GADL1: variants seen among roughly 807,000 people sequenced by gnomAD.
GADL1 encodes acidic amino acid decarboxylase GADL1.
In GADL1, 71 loss-of-function variants were observed where a neutral mutation model predicts 69.5. The ratio of observed to expected loss-of-function variants is 1.02; its 90% CI spans 0.84 to 1.25. The LOEUF (loss-of-function observed/expected upper bound fraction) is 1.25, where lower values mean the gene tolerates loss of function less well. Ranked by LOEUF, GADL1 falls within the 50% of genes most tolerant of loss-of-function variation. The probability of loss-of-function intolerance (pLI) is 0.00; values close to 1 mark genes in which losing one functional copy is unlikely to be tolerated. For synonymous variants in GADL1, 254 were observed against 214.4 expected (o/e 1.18, Z -1.62); for missense variants, 737 against 631.8 (o/e 1.17, Z -1.79).
chr3:30,762,588 A>C (rs1191448938), intron 14 of GADL1, among the ~76,000 whole-genome samples: 1 of 152,180 alleles, frequency 6.6e-6, no homozygotes, highest in Non-Finnish European at 1.5e-5. Context: ...TGAGGTATAC[A>C]TTCCCTCAAG....
In GADL1 at chr3:30,727,776, T is replaced by C. The variant is rs1695391586; in HGVS notation, c.*466A>G. 6.6e-6 allele frequency: 1 copy of C among 152,490 alleles called. No individual in the cohort carries two copies. The highest frequency in any genetic ancestry group is 1.5e-5 in the Non-Finnish European group (1 of 68,248). 9.4% of individuals were successfully genotyped at this position (152,490 alleles called of 1,614,324 possible). A position where few individuals can be genotyped will look rare whatever the true frequency, so the allele number is the denominator to read the frequency against. ...ACGGGCTTGTTAAAACACAGAATACTGGGCCTCACCCCCAGAGCTTCTGAT... is the reference window on the plus strand; with the variant it reads ...ACGGGCTTGTTAAAACACAGAATACCGGGCCTCACCCCCAGAGCTTCTGAT... On this transcript the variant is annotated 3_prime_UTR_variant, in exon 15 of 15. Coordinates refer to ENST00000282538, the MANE Select transcript of GADL1 (RefSeq NM_207359.3).
chr3:30,819,258 C>G (rs568549713), intron 11 of GADL1, among the ~76,000 whole-genome samples: 2 of 152,082 alleles, frequency 1.3e-5, no homozygotes, highest in Admixed American at 1.3e-4. Context: ...CCCTCCCCAA[C>G]TCTGAGGCCT....
chr3:30,891,658 A>T (rs984475243), intron 1 of GADL1, among the ~76,000 whole-genome samples: 19 of 152,142 alleles, frequency 1.2e-4, no homozygotes, highest in African/African-American at 3.9e-4. Context: ...AAATAAAAAA[A>T]AAAATAAAAA....
intron 14 of GADL1, among the ~76,000 whole-genome samples, chr3:30,743,737 T>A (rs1328307937): frequency 1.3e-5 from 2 of 152,172 alleles, no homozygotes; most frequent in African/African-American, 4.8e-5. Context: ...TAAAAATAAA[T>A]TTTATTATTG....
chr3:30,755,155 G>A (rs1043319675), intron 14 of GADL1, among the ~76,000 whole-genome samples: 1 of 152,098 alleles, frequency 6.6e-6, no homozygotes, highest in Non-Finnish European at 1.5e-5. Context: ...TCATACAGAT[G>A]ACCTCCCACC....
chr3:30,754,159 G>T (rs905308305), intron 14 of GADL1, among the ~76,000 whole-genome samples: 1 of 152,192 alleles, frequency 6.6e-6, no homozygotes, highest in South Asian at 2.1e-4. Flanking sequence ...AATAGACAAG[G>T]TTGTGGATTG....
chr3:30,873,402 T>G (rs994759051), intron 1 of GADL1, among the ~76,000 whole-genome samples: 1 of 151,952 alleles, frequency 6.6e-6, no homozygotes, highest in Non-Finnish European at 1.5e-5. Context: ...CCAAGTCATA[T>G]AGCTAGTAAG....
At chr3:30,803,490 C>T (rs926321745) in intron 11 of GADL1, among the ~76,000 whole-genome samples, 2 of 152,024 alleles carry the variant, frequency 1.3e-5, no homozygotes, top group Non-Finnish European at 2.9e-5. Flanking sequence ...TTGGACATTT[C>T]TTGAGCAAGT....
chr3:30,789,774 C>A (rs113717093), intron 12 of GADL1, among the ~76,000 whole-genome samples: 2 of 152,140 alleles, frequency 1.3e-5, no homozygotes, highest in Non-Finnish European at 2.9e-5. Flanking sequence ...ATGAACCAAC[C>A]TCTGCTAGCT....
chr3:30,787,573 T>A (rs1696824195), intron 12 of GADL1, among the ~76,000 whole-genome samples: 1 of 152,184 alleles, frequency 6.6e-6, no homozygotes, highest in Non-Finnish European at 1.5e-5. Flanking sequence ...GAGCATTTAT[T>A]GTGATTTTTA....
At chr3:30,879,448 T>G (rs1294310662) in intron 1 of GADL1, among the ~76,000 whole-genome samples, 4 of 151,980 alleles carry the variant, frequency 2.6e-5, no homozygotes, top group South Asian at 2.1e-4. Context: ...CAATACAGGC[T>G]CTCCCTCTCT....
chr3:30,871,946 T>A (rs114536482), intron 1 of GADL1, among the ~76,000 whole-genome samples: 5 of 152,128 alleles, frequency 3.3e-5, no homozygotes, highest in Non-Finnish European at 7.4e-5. Flanking sequence ...AGGAATTAGA[T>A]AACCTAATCT....
rs576228693 is a variant in GADL1 at position 30,834,409 on chromosome 3, A to G, written c.904-128T>C. ...TTTGATATTTTATGTCATGTTAACT[A>G]ATTTGTACCCCAGGAAATTCTGATC... On this transcript the variant is annotated intron_variant, in intron 9 of 14. Transcript: ENST00000282538. 2.0e-4 allele frequency: 151 copies of G among 737,804 alleles called. 1 individual carries two copies. The African/African-American group carries it at 2.4e-3, about 12-fold the overall frequency. The allele number at this position is 737,804 out of a possible 1,614,324, so 45.7% of individuals were successfully genotyped here.
rs559281776 is a variant in GADL1, at chr3:30,819,669, A to C, written c.1050+14184T>G. ...GGAGAAAATGAATATTAATTACATA[A>C]ATTTAATAAGGACATGAAAAATAAA... is the stretch of plus-strand genomic sequence containing the variant. On this transcript the variant is annotated intron_variant, in intron 11 of 14. Coordinates refer to ENST00000282538, the MANE Select transcript of GADL1 (RefSeq NM_207359.3). 9.2e-5 allele frequency among the ~76,000 whole-genome samples: 14 copies of C among 152,278 alleles called. No homozygotes were observed. The South Asian group carries it at 2.1e-3, about 23-fold the overall frequency.
intron 1 of GADL1, among the ~76,000 whole-genome samples, chr3:30,880,206 C>T (rs1048721681): frequency 7.9e-5 from 12 of 151,836 alleles, no homozygotes; most frequent in South Asian, 4.1e-4. Context: ...TTTTAAAATA[C>T]AGTAAATATT....
intron 12 of GADL1, among the ~76,000 whole-genome samples, chr3:30,786,788 T>C (rs36099909): frequency 0.23 from 34,778 of 152,158 alleles, 4,717 homozygotes; most frequent in Non-Finnish European, 0.3. Context: ...GTTTTTTGTT[T>C]TGTTTTGTTT....
chr3:30,769,913 G>A lies in GADL1; in HGVS notation c.1392+8266C>T, dbSNP rs1278305100. Among the ~76,000 whole-genome samples, 4 of 46,878 alleles carry A rather than the reference G, an allele frequency of 8.5e-5. No individual in the cohort carries two copies. The East Asian group carries it at 2.8e-3, about 32-fold the overall frequency. 30.8% of individuals were successfully genotyped at this position (46,878 alleles called of 152,430 possible). On this transcript the variant is annotated intron_variant, in intron 14 of 14. Coordinates refer to ENST00000282538, the MANE Select transcript of GADL1 (RefSeq NM_207359.3). ...TCAAGGAGCTTCCAGTGACACACAG[G>A]TAATCAAGGACTGACGAATTTAGGT...
At chr3:30,796,151 C>T (rs1469786720) in intron 12 of GADL1, among the ~76,000 whole-genome samples, 1 of 152,164 alleles carries the variant, frequency 6.6e-6, no homozygotes, top group Non-Finnish European at 1.5e-5. Flanking sequence ...AACCTTATTT[C>T]AAGACACCTC....
chr3:30,765,480 T>C (rs879717125), intron 14 of GADL1, among the ~76,000 whole-genome samples: 19 of 152,190 alleles, frequency 1.2e-4, no homozygotes, highest in Non-Finnish European at 2.6e-4. Context: ...TTTCTATGCA[T>C]CTACTATGTG....
Sources: gnomAD v4.1 joint callset for allele counts (sites outside exome capture counted in the v4.1 genomes callset) on GRCh38, gnomAD v4.1.1 for gene constraint, MANE v1.5 for transcripts, NCBI Gene and HGNC (gene_info 2026-07-23, HGNC 2026-07-21) for gene names.